Variants in RPS6KA2 observed in about 807,000 individuals in gnomAD.
The protein encoded by RPS6KA2 is ribosomal protein S6 kinase alpha-2.
RPS6KA2 carries 42 observed loss-of-function variants against 91.8 expected under a neutral mutation model. The ratio of observed to expected loss-of-function variants is 0.46; its 90% CI spans 0.36 to 0.59. The LOEUF is 0.59. Ranked by LOEUF, RPS6KA2 falls within the 20% of genes least tolerant of loss-of-function variation. The pLI is 0.00. For synonymous variants in RPS6KA2, 414 were observed against 393.6 expected, an observed-to-expected ratio of 1.05 and a Z score of -0.61; for missense variants, 798 against 978.5, an observed-to-expected ratio of 0.82 and a Z score of 2.46.
At chr6:166,725,721 T>C (rs1358363590) in intron 2 of RPS6KA2, among the ~76,000 whole-genome samples, 1 of 151,942 alleles carries the variant, frequency 6.6e-6, no homozygotes, top group East Asian at 1.9e-4. Context: ...GGGACGAGAG[T>C]GAAGCTCCGA....
At chr6:166,652,852 C>T (rs1259592573) in intron 2 of RPS6KA2, among the ~76,000 whole-genome samples, 1 of 152,164 alleles carries the variant, frequency 6.6e-6, no homozygotes, top group African/African-American at 2.4e-5. Flanking sequence ...TAATTAAACT[C>T]GCATGTCATC....
intron 1 of RPS6KA2, among the ~76,000 whole-genome samples, chr6:166,623,502 T>C (rs1331558350): frequency 6.6e-6 from 1 of 152,184 alleles, no homozygotes; most frequent in Non-Finnish European, 1.5e-5. Context: ...ACGTATTTTG[T>C]AGATAAGTGC....
At position 166,534,221 on chromosome 6, in the gene RPS6KA2, C is replaced by CAA. The variant is rs34585369; in HGVS notation, c.217-2910_217-2909dup. Among the ~76,000 whole-genome samples the CAA allele has an allele frequency of 2.7e-3, 160 of 59,188 alleles. 1 individual carries two copies. The highest frequency in any genetic ancestry group is 0.018 in the Middle Eastern group (1 of 56). 38.8% of individuals were successfully genotyped at this position (59,188 alleles called of 152,430 possible). A position where few individuals can be genotyped will look rare whatever the true frequency, so the allele number is the denominator to read the frequency against. On this transcript the variant is annotated intron_variant, in intron 2 of 20. Transcript: ENST00000265678. Reference sequence around the variant, plus strand: ...TGGGCGAAACAGCGAGACTCTGTCTCAAAAAAAAAAAAAAAAAAAAAAAAA... The same window carrying CAA: ...TGGGCGAAACAGCGAGACTCTGTCTCAAAAAAAAAAAAAAAAAAAAAAAAAAA...
At chr6:166,822,415 C>T (rs749225265) in intron 2 of RPS6KA2, among the ~76,000 whole-genome samples, 5 of 152,184 alleles carry the variant, frequency 3.3e-5, no homozygotes, top group South Asian at 2.1e-4. Context: ...CAGGTGAGGA[C>T]GCAGCAAGAG....
intron 2 of RPS6KA2, among the ~76,000 whole-genome samples, chr6:166,796,920 T>C (rs1035828871): frequency 1.3e-5 from 2 of 152,250 alleles, no homozygotes; most frequent in African/African-American, 4.8e-5. Flanking sequence ...CTAATCTGGC[T>C]TTTGTCCATT....
At chr6:166,604,281 C>T (rs1785858046) in intron 1 of RPS6KA2, among the ~76,000 whole-genome samples, 1 of 151,942 alleles carries the variant, frequency 6.6e-6, no homozygotes, top group Non-Finnish European at 1.5e-5. Flanking sequence ...GGGAACATAA[C>T]AGCTCACTAA....
chr6:166,780,053 G>A (rs1363967052), intron 2 of RPS6KA2, among the ~76,000 whole-genome samples: 1 of 152,180 alleles, frequency 6.6e-6, no homozygotes, highest in Non-Finnish European at 1.5e-5. Context: ...TTTCTTCATG[G>A]TGGGAGGCCT....
chr6:166,765,484 C>G (rs1007142316), intron 2 of RPS6KA2, among the ~76,000 whole-genome samples: 1 of 152,162 alleles, frequency 6.6e-6, no homozygotes, highest in Non-Finnish European at 1.5e-5. Flanking sequence ...CAGGGACGGG[C>G]GCAGTGTGCT....
chr6:166,532,826 TGAGAGA>T (rs3839531), intron 2 of RPS6KA2, among the ~76,000 whole-genome samples: 4 of 149,404 alleles, frequency 2.7e-5, no homozygotes, highest in South Asian at 4.2e-4. Context: ...GTGTGGAGTG[TGAGAGA>T]GAGAGAGAGA....
At chr6:166,421,520 C>G (rs1263188364) in intron 17 of RPS6KA2, among the ~76,000 whole-genome samples, 1 of 152,170 alleles carries the variant, frequency 6.6e-6, no homozygotes, top group Non-Finnish European at 1.5e-5. Flanking sequence ...TGCATGTGGT[C>G]CCACCTGGGA....
At chr6:166,651,900 G>A (rs1483749553) in intron 2 of RPS6KA2, among the ~76,000 whole-genome samples, 10 of 152,236 alleles carry the variant, frequency 6.6e-5, no homozygotes, top group African/African-American at 2.4e-4. Context: ...CACTGTGGAC[G>A]CACACTGCAC....
chr6:166,650,126 T>C (rs565634608), intron 2 of RPS6KA2, among the ~76,000 whole-genome samples: 2 of 148,816 alleles, frequency 1.3e-5, no homozygotes, highest in South Asian at 4.3e-4. Flanking sequence ...AGCACCAGGC[T>C]CATTTGTTTT....
At chr6:166,858,500 C>T (rs561267983) in intron 1 of RPS6KA2, among the ~76,000 whole-genome samples, 1 of 152,340 alleles carries the variant, frequency 6.6e-6, no homozygotes, top group East Asian at 1.9e-4. Flanking sequence ...TCACACTAAA[C>T]CCTAACTCAA....
intron 4 of RPS6KA2, 83 bp downstream of exon 4, chr6:166,510,194 T>G (rs1264198230): frequency 1.2e-6 from 1 of 839,290 alleles, no homozygotes; most frequent in East Asian, 2.6e-5. Context: ...TTCTTTCTGA[T>G]CTGTTATTTC....
intron 2 of RPS6KA2, among the ~76,000 whole-genome samples, chr6:166,669,215 G>A (rs1198202763): frequency 1.3e-5 from 2 of 152,038 alleles, no homozygotes; most frequent in Non-Finnish European, 2.9e-5. Flanking sequence ...GTCTTAATGG[G>A]GACAGTGACA....
At chr6:166,480,201 C>T (rs767604196) in intron 10 of RPS6KA2, among the ~76,000 whole-genome samples, 2 of 151,988 alleles carry the variant, frequency 1.3e-5, no homozygotes, top group African/African-American at 2.4e-5. Context: ...GCTCTCCCAT[C>T]GCCAACAGTG....
At chr6:166,523,727 T>C (rs1782932814) in intron 3 of RPS6KA2, among the ~76,000 whole-genome samples, 1 of 152,202 alleles carries the variant, frequency 6.6e-6, no homozygotes, top group Admixed American at 6.5e-5. Flanking sequence ...ATACAATCTG[T>C]TCAAGCTACC....
At position 166,538,797 on chromosome 6, in the gene RPS6KA2, G is replaced by A. The variant is rs751744404; in HGVS notation, c.100-13C>T. 3.3e-5 allele frequency: 48 copies of A among 1,450,644 alleles called. No homozygotes were observed. Among genetic ancestry groups the A allele is most frequent in the Middle Eastern group, 3.5e-4 (2 of 5,718 alleles). 89.9% of individuals were successfully genotyped at this position (1,450,644 alleles called of 1,614,324 possible). A position where few individuals can be genotyped will look rare whatever the true frequency, so the allele number is the denominator to read the frequency against. Reference sequence around the variant, plus strand: ...CGACGCCTTCTTCCTGCAAGAGAGCGGCACGGGTGAGAAACACACCGCGAG... The same window carrying A: ...CGACGCCTTCTTCCTGCAAGAGAGCAGCACGGGTGAGAAACACACCGCGAG... On this transcript the variant is annotated splice_polypyrimidine_tract_variant and intron_variant, in intron 1 of 20. Coordinates refer to ENST00000265678, the MANE Select transcript of RPS6KA2 (RefSeq NM_021135.6).
intron 2 of RPS6KA2, among the ~76,000 whole-genome samples, chr6:166,686,336 T>C (rs1014004405): frequency 2.0e-4 from 31 of 152,162 alleles, no homozygotes; most frequent in African/African-American, 7.0e-4. Flanking sequence ...CCCAGGGTTA[T>C]CTCCATGTCA....
Sources: allele counts gnomAD v4.1 joint callset (sites outside exome capture counted in the v4.1 genomes callset), GRCh38; gene constraint gnomAD v4.1.1; transcripts MANE v1.5; gene names NCBI Gene and HGNC (gene_info 2026-07-23, HGNC 2026-07-21).